CNTN5: variants seen among roughly 807,000 people sequenced by gnomAD.
CNTN5 encodes contactin 5.
Under a neutral mutation model 129.1 loss-of-function variants are expected in CNTN5, and 77 were observed. The ratio of observed to expected loss-of-function variants is 0.60; its 90% CI spans 0.50 to 0.72. The LOEUF is 0.72. Ranked by LOEUF, CNTN5 falls within the 30% of genes least tolerant of loss-of-function variation. The probability of loss-of-function intolerance (pLI) is 0.00; values close to 1 mark genes in which losing one functional copy is unlikely to be tolerated. For missense variants in CNTN5, 1,478 were observed against 1,328.8 expected (o/e 1.11, Z -1.75); for synonymous variants, 509 against 465.6 (o/e 1.09, Z -1.20).
intron 2 of CNTN5, among the ~76,000 whole-genome samples, chr11:99,364,050 A>G (rs377607819): frequency 6.6e-6 from 1 of 152,126 alleles, no homozygotes; most frequent in African/African-American, 2.4e-5. Flanking sequence ...TGTGTTTTAA[A>G]ATAACAAATA....
chr11:99,159,466 C>CA (rs1247295294), intron 1 of CNTN5, among the ~76,000 whole-genome samples: 1 of 151,994 alleles, frequency 6.6e-6, no homozygotes, highest in Non-Finnish European at 1.5e-5. Flanking sequence ...ACTAAAAATA[C>CA]AAAAAAGTAG....
intron 1 of CNTN5, among the ~76,000 whole-genome samples, chr11:99,083,041 C>CAG (rs1865870607): frequency 6.6e-6 from 1 of 151,998 alleles, no homozygotes. Flanking sequence ...TAAACACACA[C>CAG]ACACACACAC....
At chr11:99,793,408 C>T (rs61007390) in intron 3 of CNTN5, among the ~76,000 whole-genome samples, 88,423 of 151,422 alleles carry the variant, frequency 0.58, 26,437 homozygotes, top group East Asian at 0.72. Context: ...TATTAATCTT[C>T]TGTATGGTTT....
chr11:99,903,576 G>A (rs1188428207), intron 6 of CNTN5, among the ~76,000 whole-genome samples: 3 of 152,062 alleles, frequency 2.0e-5, no homozygotes, highest in Non-Finnish European at 2.9e-5. Flanking sequence ...ATCTAGAGGG[G>A]CTGTTCTAAG....
chr11:99,950,898 T>G (rs1950658469), intron 7 of CNTN5, among the ~76,000 whole-genome samples: 1 of 152,178 alleles, frequency 6.6e-6, no homozygotes, highest in African/African-American at 2.4e-5. Context: ...AAGAGAAGTT[T>G]TAATTTTCCC....
chr11:99,461,827 A>T (rs754619634), intron 2 of CNTN5, among the ~76,000 whole-genome samples: 8 of 152,238 alleles, frequency 5.3e-5, no homozygotes, highest in African/African-American at 9.6e-5. Context: ...ACTTTTTTTT[A>T]AAATGTAGAA....
chr11:99,776,323 G>C (rs1945122758), intron 3 of CNTN5, among the ~76,000 whole-genome samples: 1 of 151,892 alleles, frequency 6.6e-6, no homozygotes, highest in African/African-American at 2.4e-5. Flanking sequence ...CTTTTCAGTA[G>C]GTGGGGATGT....
chr11:99,671,148 G>GTTTCTTT (rs5794013), intron 3 of CNTN5, among the ~76,000 whole-genome samples: 11 of 125,738 alleles, frequency 8.7e-5, no homozygotes, highest in African/African-American at 3.6e-4. Flanking sequence ...TGTAGATTGA[G>GTTTCTTT]TTTTTTTTTT....
chr11:99,025,832 C>A (rs1863085868), intron 1 of CNTN5, among the ~76,000 whole-genome samples: 1 of 151,328 alleles, frequency 6.6e-6, no homozygotes, highest in South Asian at 2.1e-4. Context: ...TCTTTATTTT[C>A]TTAAATAATT....
chr11:100,010,602 C>G (rs969572777), intron 9 of CNTN5, among the ~76,000 whole-genome samples: 2 of 150,620 alleles, frequency 1.3e-5, no homozygotes, highest in African/African-American at 4.9e-5. Flanking sequence ...CCCTACAGTG[C>G]CCCCTCCTGG....
chr11:99,133,975 C>T (rs1448027439), intron 1 of CNTN5, among the ~76,000 whole-genome samples: 1 of 152,210 alleles, frequency 6.6e-6, no homozygotes, highest in Admixed American at 6.5e-5. Context: ...CATTGCAGCA[C>T]TATTTACAAT....
intron 8 of CNTN5, among the ~76,000 whole-genome samples, chr11:99,975,744 A>G (rs1368213346): frequency 2.0e-5 from 3 of 152,122 alleles, no homozygotes; most frequent in Non-Finnish European, 2.9e-5. Context: ...CCTACCTTCA[A>G]CATATGGGGA....
chr11:99,921,308 C>G (rs1284394572), intron 7 of CNTN5, among the ~76,000 whole-genome samples: 1 of 152,142 alleles, frequency 6.6e-6, no homozygotes, highest in Non-Finnish European at 1.5e-5. Flanking sequence ...TACTCTCTTT[C>G]TTGTAGTTAT....
At chr11:99,665,577 C>T (rs1952757990) in intron 3 of CNTN5, among the ~76,000 whole-genome samples, 1 of 146,946 alleles carries the variant, frequency 6.8e-6, no homozygotes, top group South Asian at 2.1e-4. Context: ...CCTCCACCTC[C>T]TGGGTTCAAG....
At chr11:99,465,846 A>G (rs1190555946) in intron 2 of CNTN5, among the ~76,000 whole-genome samples, 1 of 148,868 alleles carries the variant, frequency 6.7e-6, no homozygotes, top group African/African-American at 2.5e-5. Context: ...AACAGGAGGA[A>G]GAGAGAGAAG....
chr11:99,193,165 G>A (rs79782075), intron 1 of CNTN5, among the ~76,000 whole-genome samples: 2,607 of 151,942 alleles, frequency 0.017, 39 homozygotes, highest in African/African-American at 0.037. Flanking sequence ...TCAAATTCAC[G>A]TTTCTTATCA....
At chr11:100,308,909 T>C in intron 21 of CNTN5, 1 of 980,744 alleles carries the variant, frequency 1.0e-6, no homozygotes, top group Non-Finnish European at 1.2e-6. Context: ...ATTGTATCTA[T>C]GTATTCAGAT....
chr11:99,642,646 T>C (rs1951812485), intron 3 of CNTN5, among the ~76,000 whole-genome samples: 1 of 152,206 alleles, frequency 6.6e-6, no homozygotes, highest in African/African-American at 2.4e-5. Context: ...TTTTGAAATA[T>C]GCTTTATTTT....
At chr11:99,596,670 A>G (rs1012623259) in intron 3 of CNTN5, among the ~76,000 whole-genome samples, 2 of 152,194 alleles carry the variant, frequency 1.3e-5, no homozygotes, top group African/African-American at 2.4e-5. Context: ...AGGAAAAAAC[A>G]TATTTGTTCC....
Sources: allele counts gnomAD v4.1 joint callset (sites outside exome capture counted in the v4.1 genomes callset), GRCh38; gene constraint gnomAD v4.1.1; transcripts MANE v1.5; gene names NCBI Gene and HGNC (gene_info 2026-07-23, HGNC 2026-07-21).